USP21: variants seen among roughly 807,000 people sequenced by gnomAD.
USP21 encodes the protein ubiquitin specific peptidase 21.
A neutral mutation model predicts 70.8 loss-of-function variants in USP21; 37 were observed. The observed-to-expected ratio is 0.52, with a 90% CI of 0.40 to 0.69. The LOEUF (loss-of-function observed/expected upper bound fraction) is 0.69, where lower values mean the gene tolerates loss of function less well. Among genes scored for constraint, USP21 ranks in the 30% least tolerant of loss-of-function variants. The pLI is 0.00. For missense variants in USP21, 584 were observed against 740.8 expected (o/e 0.79, Z 2.46); for synonymous variants, 263 against 283.1 (o/e 0.93, Z 0.71).
At position 161,162,167 on chromosome 1, in the gene USP21, A is replaced by G; in HGVS notation, c.660+70A>G. 1 of 1,613,410 alleles carries G rather than the reference A, an allele frequency of 6.2e-7. No individual in the cohort carries two copies. Among genetic ancestry groups the G allele is most frequent in the Non-Finnish European group, 8.5e-7 (1 of 1,179,374 alleles). ...ATGGTGCTGGGGGTGGGGAAAACCC[A>G]CGAGCTTGGGGAAGGCATGTGGAAG... is the stretch of plus-strand genomic sequence containing the variant. On this transcript the variant is annotated intron_variant, in intron 4 of 13. Transcript: ENST00000368002. The surrounding 1 kb of genome is among the most constrained non-coding windows in gnomAD (Gnocchi z 4.1).
rs2101806408 is a variant in USP21, at chr1:161,162,136, T to C, written c.660+39T>C. On this transcript the variant is annotated intron_variant, in intron 4 of 13. Transcript: ENST00000368002. The surrounding 1 kb of genome is among the most constrained non-coding windows in gnomAD (Gnocchi z 4.1). ...TCCTATCTTTCCTCTCTAAAAGGAA[T>C]GTGAAATGGTGCTGGGGGTGGGGAA... The C allele has an allele frequency of 4.3e-6, 7 of 1,613,294 alleles. No individual in the cohort carries two copies. The Middle Eastern group carries it at 6.6e-4, about 152-fold the overall frequency.
rs1459388562 is a variant in USP21, at chr1:161,163,620, G to A, written c.1114+1G>A. ...GAGCGAGAGGACAGCAAGATTGTGGGTATGGAATGGGGCAAAGCAATGAGG... is the reference window on the plus strand; with the variant it reads ...GAGCGAGAGGACAGCAAGATTGTGGATATGGAATGGGGCAAAGCAATGAGG... On this transcript the variant is annotated splice_donor_variant, in intron 8 of 13. Coordinates refer to ENST00000368002, the MANE Select transcript of USP21 (RefSeq NM_001014443.3). LOFTEE classifies it high-confidence loss of function. The A allele has an allele frequency of 1.9e-6, 3 of 1,584,074 alleles. No individual in the cohort carries two copies. Among genetic ancestry groups the A allele is most frequent in the Non-Finnish European group, 2.6e-6 (3 of 1,162,576 alleles).
In USP21 at chr1:161,164,762, G is replaced by T. The variant is rs1658382878; in HGVS notation, c.1385-73G>T. 4 of 1,596,198 alleles carry T rather than the reference G, an allele frequency of 2.5e-6. No individual in the cohort carries two copies. The highest frequency in any genetic ancestry group is 3.4e-6 in the Non-Finnish European group (4 of 1,169,494). On this transcript the variant is annotated intron_variant, in intron 11 of 13. Coordinates refer to ENST00000368002, the MANE Select transcript of USP21 (RefSeq NM_001014443.3). This position sits in a 1 kb window ranked among gnomAD's most constrained non-coding sequence, Gnocchi z 4.2. ...CCCAGTGTGTCGGGAGTGGGGAGAG[G>T]ACAGCTTTCAGGATAGAAGAAGTTC...
At chr1:161,163,184 A>G (rs570150116) in intron 7 of USP21, 110 bp downstream of exon 7, 65 of 1,331,070 alleles carry the variant, frequency 4.9e-5, no homozygotes, top group Admixed American at 2.6e-4. Flanking sequence ...GAAACCCTTT[A>G]GTATAGAAAA....
At position 161,161,505 on chromosome 1, in the gene USP21, C is replaced by T. The variant is rs1471340442; in HGVS notation, c.600+265C>T. 3 of 471,822 alleles carry T rather than the reference C, an allele frequency of 6.4e-6. No homozygotes were observed. Among genetic ancestry groups the T allele is most frequent in the Non-Finnish European group, 1.1e-5 (3 of 265,394 alleles). 29.2% of individuals were successfully genotyped at this position (471,822 alleles called of 1,614,324 possible). On this transcript the variant is annotated intron_variant, in intron 3 of 13. Coordinates refer to ENST00000368002, the MANE Select transcript of USP21 (RefSeq NM_001014443.3). This position sits in a 1 kb window ranked among gnomAD's most constrained non-coding sequence, Gnocchi z 4.2. Reference sequence around the variant, plus strand: ...TAGAATTCTTCTTTGGGTCCCCAGGCCCTTCCTTTCCCTTGCTTGCACCTT... The same window carrying T: ...TAGAATTCTTCTTTGGGTCCCCAGGTCCTTCCTTTCCCTTGCTTGCACCTT...
At position 161,162,132 on chromosome 1, in the gene USP21, G is replaced by T; in HGVS notation, c.660+35G>T. 6.2e-7 allele frequency: 1 copy of T among 1,613,858 alleles called. No homozygotes were observed. Among genetic ancestry groups the T allele is most frequent in the Middle Eastern group, 1.6e-4 (1 of 6,062 alleles). On this transcript the variant is annotated intron_variant, in intron 4 of 13. Transcript: ENST00000368002. The surrounding 1 kb of genome is among the most constrained non-coding windows in gnomAD (Gnocchi z 4.1). ...ATTCTCCTATCTTTCCTCTCTAAAA[G>T]GAATGTGAAATGGTGCTGGGGGTGG...
chr1:161,165,129 C>G lies in USP21; in HGVS notation c.1593C>G (p.Val531=). Residue 531 remains valine, a synonymous_variant, in exon 13 of 14, where the codon GTC becomes GTG. Coordinates refer to ENST00000368002, the MANE Select transcript of USP21 (RefSeq NM_001014443.3). ...GCCGGTGCCAGACTGGTTGGCATGT[C>G]TACAATGACTCTCGGTGAGAATAGC... The part of the protein sequence containing the change: ...ALCRCQTGWH[V]YNDSRVSPVS... 1 of 1,613,854 alleles carries G rather than the reference C, an allele frequency of 6.2e-7. No individual in the cohort carries two copies. Among genetic ancestry groups the G allele is most frequent in the Non-Finnish European group, 8.5e-7 (1 of 1,179,864 alleles).
Position 161,164,158 on chromosome 1 carries a change from C to T in USP21, c.1219-6C>T, listed in dbSNP as rs1188787295. 9.3e-6 allele frequency: 15 copies of T among 1,613,806 alleles called. No homozygotes were observed. The highest frequency in any genetic ancestry group is 1.3e-5 in the African/African-American group (1 of 74,888). ...CATGTTGACCTTTCTTCCCCTTTTC[C>T]CCCAGAAAGGATTTGCTGGGGGCAA... On this transcript the variant is annotated splice_region_variant and splice_polypyrimidine_tract_variant and intron_variant, in intron 9 of 13. Coordinates refer to ENST00000368002, the MANE Select transcript of USP21 (RefSeq NM_001014443.3). The surrounding 1 kb of genome is among the most constrained non-coding windows in gnomAD (Gnocchi z 4.2).
At chr1:161,160,065 C>T (rs80118792) in intron 1 of USP21, among the ~76,000 whole-genome samples, 2 of 152,174 alleles carry the variant, frequency 1.3e-5, no homozygotes, top group Non-Finnish European at 2.9e-5. Context: ...CATTTGCAGC[C>T]CAGAGAGGCA....
In USP21 at chr1:161,164,622, T is replaced by C. The variant is rs1658349577; in HGVS notation, c.1384+10T>C. ...CGAATCCTCGTGCTCCATATCCTAA[T>C]CTTCAGATTCTTACTTCTCTTAGGA... On this transcript the variant is annotated intron_variant, in intron 11 of 13. Transcript: ENST00000368002. The surrounding 1 kb of genome is among the most constrained non-coding windows in gnomAD (Gnocchi z 4.2). 6.2e-7 allele frequency: 1 copy of C among 1,613,810 alleles called. No individual in the cohort carries two copies. Among genetic ancestry groups the C allele is most frequent in the Non-Finnish European group, 8.5e-7 (1 of 1,179,796 alleles).
chr1:161,165,443 T>C lies in USP21; in HGVS notation c.1694T>C (p.Leu565Pro). 6.2e-7 allele frequency: 1 copy of C among 1,613,336 alleles called. No homozygotes were observed. The highest frequency in any genetic ancestry group is 8.5e-7 in the Non-Finnish European group (1 of 1,179,378). The change falls in exon 14 of 14, where the codon CTG becomes CCG. Residue 565 changes from leucine (L) to proline (P), a missense_variant. Around this residue, in one of 4 missense-constraint regions of USP21, gnomAD observed 173 missense variants for 268.2 expected, o/e 0.65. Transcript: ENST00000368002. ...CTGATGCAGGAGCCACCCCGGTGCC[T>C]GTGACACCTCTAAGCTCTGGCACCT... Reference protein sequence around the residue: ...YQLMQEPPRCL With the variant: ...YQLMQEPPRCP
intron 8 of USP21, 35 bp from the exon 9 acceptor site, chr1:161,163,843 A>G (rs763602367): frequency 1.6e-5 from 26 of 1,583,972 alleles, no homozygotes; most frequent in Middle Eastern, 1.7e-4. Context: ...ACATCCAACA[A>G]TGACCTTTTC....
Position 161,161,091 on chromosome 1 carries a change from T to C in USP21, c.451T>C (p.Leu151=), listed in dbSNP as rs375288621. The C allele has an allele frequency of 2.5e-6, 4 of 1,614,108 alleles. No homozygotes were observed. The African/African-American group carries it at 5.3e-5, about 22-fold the overall frequency. The change falls in exon 3 of 14, where the codon TTG becomes CTG. Residue 151 remains leucine (L), a synonymous_variant. Coordinates refer to ENST00000368002, the MANE Select transcript of USP21 (RefSeq NM_001014443.3). This position sits in a 1 kb window ranked among gnomAD's most constrained non-coding sequence, Gnocchi z 4.2. ...GGCCCTCCGGCCTGAGCCACCCACT[T>C]TGAGACGTAGCACTTCTCTCCGCCG... ...RLALRPEPPT[L]RRSTSLRRLG... is the part of the protein sequence containing the mutation.
chr1:161,164,937 A>G lies in USP21; in HGVS notation c.1487A>G (p.Lys496Arg). 1 of 1,613,882 alleles carries G rather than the reference A, an allele frequency of 6.2e-7. No homozygotes were observed. The highest frequency in any genetic ancestry group is 8.5e-7 in the Non-Finnish European group (1 of 1,179,806). ...AGCCTAGGGGACTTTGCCAGTGACA[A>G]AGCCGGTGAGTCTGGTGGGGAAAGT... ...RLSLGDFASD[K>R]AGSPVYQLYA... Residue 496 changes from lysine (K) to arginine (R), a missense_variant, in exon 12 of 14, where the codon AAA (lysine) becomes AGA (arginine). Lys to Arg is a conservative substitution (Grantham distance 26). Transcript: ENST00000368002. The surrounding 1 kb of genome is among the most constrained non-coding windows in gnomAD (Gnocchi z 4.2).
In USP21 at chr1:161,164,598, G is replaced by C; in HGVS notation, c.1370G>C (p.Arg457Pro). 6.2e-7 allele frequency: 1 copy of C among 1,614,142 alleles called. No individual in the cohort carries two copies. The highest frequency in any genetic ancestry group is 8.5e-7 in the Non-Finnish European group (1 of 1,180,016). ...TKKLTVQRFP[R>P]ILVLHLNRFS... ...AAGTTGACAGTACAAAGATTCCCTC[G>C]AATCCTCGTGCTCCATATCCTAATC... Residue 457 changes from arginine (R) to proline (P), a missense_variant, in exon 11 of 14, where the codon CGA becomes CCA. Coordinates refer to ENST00000368002, the MANE Select transcript of USP21 (RefSeq NM_001014443.3). The surrounding 1 kb of genome is among the most constrained non-coding windows in gnomAD (Gnocchi z 4.2).
At position 161,164,335 on chromosome 1, in the gene USP21, C is replaced by A. The variant is rs2101816732; in HGVS notation, c.1305+85C>A. 1 of 1,401,986 alleles carries A rather than the reference C, an allele frequency of 7.1e-7. No homozygotes were observed. The highest frequency in any genetic ancestry group is 1.0e-6 in the Non-Finnish European group (1 of 989,588). 86.8% of individuals were successfully genotyped at this position (1,401,986 alleles called of 1,614,324 possible). A position where few individuals can be genotyped will look rare whatever the true frequency, so the allele number is the denominator to read the frequency against. The stretch of plus-strand genomic sequence containing the variant: ...GATAAAAGGGATTGCATGATGTCTT[C>A]ATATGGGGAATAATATTTATGTATC... On this transcript the variant is annotated intron_variant, in intron 10 of 13. Transcript: ENST00000368002. The surrounding 1 kb of genome is among the most constrained non-coding windows in gnomAD (Gnocchi z 4.2).
At position 161,163,975 on chromosome 1, in the gene USP21, C is replaced by T. The variant is rs1440253856; in HGVS notation, c.1212C>T (p.Ile404=). 2 of 1,614,070 alleles carry T rather than the reference C, an allele frequency of 1.2e-6. No homozygotes were observed. The highest frequency in any genetic ancestry group is 1.7e-6 in the Non-Finnish European group (2 of 1,179,938). ...TTTTTTGTGACCTGTCCCTGCCCAT[C>T]CCCAAGGTGGGATTCCAGAGGATTC... The part of the protein sequence containing the change: ...FEVFCDLSLP[I]PKKGFAGGKV... The change falls in exon 9 of 14, where the codon ATC becomes ATT. Residue 404 remains isoleucine (I), a synonymous_variant. Transcript: ENST00000368002.
Position 161,160,478 on chromosome 1 carries a change from G to A in USP21, c.-50G>A. ...GTGATGACTGAGCCAACCACCTAAT[G>A]TGGAAATGAGAGGACAGCAAGATTG... On this transcript the variant is annotated 5_prime_UTR_variant, in exon 2 of 14. It adds an upstream start codon to the 5' untranslated region. Transcript: ENST00000368002. 4.4e-6 allele frequency: 4 copies of A among 905,160 alleles called. No individual in the cohort carries two copies. The highest frequency in any genetic ancestry group is 5.2e-6 in the Non-Finnish European group (3 of 572,600). The allele number at this position is 905,160 out of a possible 1,614,324, so 56.1% of individuals were successfully genotyped here. A position where few individuals can be genotyped will look rare whatever the true frequency, so the allele number is the denominator to read the frequency against.
chr1:161,163,016 G>C lies in USP21; in HGVS notation c.991G>C (p.Gly331Arg), dbSNP rs759545435. ...GRRAPPILAN[G>R]PVPSPPRRGG... ...CCGGGCTCCACCGATACTTGCCAAT[G>C]GTCCAGTTCCCTCTCCACCCCGCCG... Residue 331 changes from glycine (G) to arginine (R), a missense_variant, in exon 7 of 14, where the codon GGT becomes CGT. This residue lies in a region of USP21 where 40 missense variants were observed against 29.3 expected (regional missense o/e 1.37). Transcript: ENST00000368002. The C allele has an allele frequency of 8.1e-6, 13 of 1,613,756 alleles. No individual in the cohort carries two copies. The South Asian group carries it at 1.4e-4, about 18-fold the overall frequency.
Sources: allele counts gnomAD v4.1 joint callset (sites outside exome capture counted in the v4.1 genomes callset), GRCh38; gene constraint gnomAD v4.1.1; regional missense constraint gnomAD v4.1.1; non-coding constraint Gnocchi (gnomAD v3.1); transcripts MANE v1.5; gene names NCBI Gene and HGNC (gene_info 2026-07-23, HGNC 2026-07-21).